IQCJ: variants seen among roughly 807,000 people sequenced by gnomAD.
IQCJ encodes IQ domain-containing protein J.
IQCJ carries 9 observed loss-of-function variants against 11.0 expected under a neutral mutation model. The ratio of observed to expected loss-of-function variants is 0.82; its 90% CI spans 0.49 to 1.43. The LOEUF is 1.43. Among genes scored for constraint, IQCJ ranks in the 40% most tolerant of loss-of-function variants. IQCJ has a pLI of 0.00. For synonymous variants in IQCJ, 55 were observed against 51.3 expected (o/e 1.07, Z -0.31); for missense variants, 146 against 133.2 (o/e 1.10, Z -0.47).
chr3:159,073,029 G>A lies in IQCJ; in HGVS notation c.9+3588G>A, dbSNP rs534417207. 8.5e-4 allele frequency among the ~76,000 whole-genome samples: 129 copies of A among 152,204 alleles called. 1 individual carries two copies. Among genetic ancestry groups the A allele is most frequent in the African/African-American group, 3.0e-3 (124 of 41,522 alleles). On this transcript the variant is annotated intron_variant, in intron 1 of 3. Coordinates refer to ENST00000397832, the MANE Select transcript of IQCJ (RefSeq NM_001042706.3). ...TTATTTGAGAGTAAAGACAAATGGG[G>A]AAGGAAGCAAAATTGGGCAGGGAGA...
chr3:159,223,498 A>G (rs573308740), intron 1 of IQCJ, among the ~76,000 whole-genome samples: 1 of 152,272 alleles, frequency 6.6e-6, no homozygotes, highest in African/African-American at 2.4e-5. Context: ...TTCTAATTCT[A>G]TCACCTCACG....
intron 1 of IQCJ, among the ~76,000 whole-genome samples, chr3:159,217,445 T>G (rs1007039362): frequency 2.6e-5 from 4 of 152,166 alleles, no homozygotes; most frequent in Non-Finnish European, 5.9e-5. Flanking sequence ...CATGAGAGTT[T>G]GTAAGACATA....
intron 1 of IQCJ, among the ~76,000 whole-genome samples, chr3:159,130,074 A>G (rs992422564): frequency 6.6e-6 from 1 of 152,066 alleles, no homozygotes; most frequent in African/African-American, 2.4e-5. Context: ...GTAGCAAACC[A>G]TCTCCCTCCC....
chr3:159,232,504 T>C (rs1316431008), intron 1 of IQCJ, among the ~76,000 whole-genome samples: 3 of 142,794 alleles, frequency 2.1e-5, no homozygotes, highest in Non-Finnish European at 4.5e-5. Flanking sequence ...TCACCCAGGC[T>C]GGAGTGCAGT....
At chr3:159,183,445 A>C (rs1723207463) in intron 1 of IQCJ, among the ~76,000 whole-genome samples, 1 of 152,000 alleles carries the variant, frequency 6.6e-6, no homozygotes, top group African/African-American at 2.4e-5. Flanking sequence ...CTTTCTGTCT[A>C]TGTGATCTTA....
At chr3:159,191,451 A>C (rs1157073030) in intron 1 of IQCJ, among the ~76,000 whole-genome samples, 1 of 152,184 alleles carries the variant, frequency 6.6e-6, no homozygotes, top group Non-Finnish European at 1.5e-5. Context: ...TTCATTGCTC[A>C]GTTTTGATTT....
intron 1 of IQCJ, among the ~76,000 whole-genome samples, chr3:159,229,147 C>A (rs544231703): frequency 1.3e-5 from 2 of 152,298 alleles, no homozygotes; most frequent in African/African-American, 4.8e-5. Context: ...ACTGAACAAG[C>A]CTCTATTCCA....
chr3:159,146,371 G>A (rs1327804136), intron 1 of IQCJ, among the ~76,000 whole-genome samples: 1 of 152,202 alleles, frequency 6.6e-6, no homozygotes, highest in Admixed American at 6.5e-5. Flanking sequence ...CAAGTGGAGT[G>A]CAGTCACAGG....
chr3:159,237,121 C>A (rs1351726045), intron 1 of IQCJ, among the ~76,000 whole-genome samples: 1 of 152,134 alleles, frequency 6.6e-6, no homozygotes, highest in Non-Finnish European at 1.5e-5. Flanking sequence ...ATTAAATGAT[C>A]ATGATGTTAG....
At chr3:159,133,725 A>G (rs1720126681) in intron 1 of IQCJ, among the ~76,000 whole-genome samples, 2 of 152,190 alleles carry the variant, frequency 1.3e-5, no homozygotes, top group South Asian at 4.1e-4. Context: ...ATAACATTAC[A>G]TGAATAATAT....
At chr3:159,265,189 C>T (rs1259763158), downstream of IQCJ, 3 of 1,593,990 alleles carry the variant, frequency 1.9e-6, no homozygotes, top group Admixed American at 3.4e-5. Context: ...GTGAGCTAAG[C>T]TTGTTTTATC....
intron 2 of IQCJ, among the ~76,000 whole-genome samples, chr3:159,249,231 A>G (rs1333206054): frequency 6.6e-6 from 1 of 152,086 alleles, no homozygotes; most frequent in Non-Finnish European, 1.5e-5. Flanking sequence ...TAAACCTCTC[A>G]CTAACACCAG....
chr3:159,112,856 G>C (rs1718723034), intron 1 of IQCJ, among the ~76,000 whole-genome samples: 1 of 152,148 alleles, frequency 6.6e-6, no homozygotes, highest in Non-Finnish European at 1.5e-5. Context: ...GAGAAAAATG[G>C]AAAGAAATGG....
chr3:159,163,785 C>G (rs1157979149), intron 1 of IQCJ, among the ~76,000 whole-genome samples: 1 of 152,190 alleles, frequency 6.6e-6, no homozygotes, highest in South Asian at 2.1e-4. Context: ...TGCCCAAGGT[C>G]ACACACTAGT....
chr3:159,253,177 A>G (rs925395640), intron 3 of IQCJ, among the ~76,000 whole-genome samples: 3 of 152,112 alleles, frequency 2.0e-5, no homozygotes, highest in Non-Finnish European at 4.4e-5. Flanking sequence ...TCACACACAC[A>G]CACACCCTTT....
Position 159,090,239 on chromosome 3 carries a change from CA to C in IQCJ, c.9+20799del, listed in dbSNP as rs60643993. Among the ~76,000 whole-genome samples, 1,463 of 151,628 alleles carry C rather than the reference CA, an allele frequency of 9.6e-3. 52 individuals carry two copies. The highest frequency in any genetic ancestry group is 0.035 in the African/African-American group (1,419 of 41,076). On this transcript the variant is annotated intron_variant, in intron 1 of 3. Coordinates refer to ENST00000397832, the MANE Select transcript of IQCJ (RefSeq NM_001042706.3). ...CTCCCGGTTAGGCTGCTCGGGGGGT[CA>C]GGGGTCAGGGGTCAGGGACCCACTT...
intron 3 of IQCJ, among the ~76,000 whole-genome samples, chr3:159,260,467 C>T (rs1197774070): frequency 6.6e-6 from 1 of 152,156 alleles, no homozygotes; most frequent in Non-Finnish European, 1.5e-5. Flanking sequence ...TCTTGACGGG[C>T]AGGTTTAGAG....
chr3:159,246,182 T>A (rs535400006), intron 2 of IQCJ, among the ~76,000 whole-genome samples: 1 of 152,316 alleles, frequency 6.6e-6, no homozygotes, highest in South Asian at 2.1e-4. Flanking sequence ...CTCTGACCTG[T>A]CTTAGTCTTT....
intron 1 of IQCJ, among the ~76,000 whole-genome samples, chr3:159,150,112 G>A (rs1560004080): frequency 6.6e-6 from 1 of 152,174 alleles, no homozygotes; most frequent in Non-Finnish European, 1.5e-5. Context: ...CAAGATGGTT[G>A]TTGATTGCCT....
Sources: gnomAD v4.1 joint callset for allele counts (sites outside exome capture counted in the v4.1 genomes callset) on GRCh38, gnomAD v4.1.1 for gene constraint, MANE v1.5 for transcripts, NCBI Gene and HGNC (gene_info 2026-07-23, HGNC 2026-07-21) for gene names.